MMP8: variants seen among roughly 807,000 people sequenced by gnomAD.
The protein encoded by MMP8 is neutrophil collagenase.
Under a neutral mutation model 51.2 loss-of-function variants are expected in MMP8, and 67 were observed. That is an observed-to-expected ratio of 1.31 (90% CI 1.08 to 1.60). The LOEUF is 1.60. Ranked by LOEUF, MMP8 falls within the 40% of genes most tolerant of loss-of-function variation. The probability of loss-of-function intolerance (pLI) is 0.00; values close to 1 mark genes in which losing one functional copy is unlikely to be tolerated. For missense variants in MMP8, 654 were observed against 558.1 expected (o/e 1.17, Z -1.73); for synonymous variants, 225 against 191.0 (o/e 1.18, Z -1.47).
chr11:102,721,347 T>C (rs982805301), intron 4 of MMP8, 54 bp downstream of exon 4: 1 of 1,575,306 alleles, frequency 6.3e-7, no homozygotes, highest in Admixed American at 1.7e-5. Flanking sequence ...TGTATTCTAA[T>C]CTGTAAAAGG....
rs766841205 is a variant in MMP8 at position 102,721,622 on chromosome 11, T to A, written c.488A>T (p.Tyr163Phe). ...GACTGCTTTGTACCTACCTCTTTGGTAAAAAGCAATGTTGATATCTGCCTC... is the reference window on the plus strand; with the variant it reads ...GACTGCTTTGTACCTACCTCTTTGGAAAAAAGCAATGTTGATATCTGCCTC... ...QGEADINIAF[Y>F]QRDHGDNSPF... The change falls in exon 3 of 10, where the codon TAC (tyrosine) becomes TTC (phenylalanine). Residue 163 changes from tyrosine (Y) to phenylalanine (F), a missense_variant. Transcript: ENST00000236826. 2.5e-6 allele frequency: 4 copies of A among 1,613,614 alleles called. No individual in the cohort carries two copies. In the African/African-American group the frequency reaches 5.3e-5, roughly 22 times the overall value.
Position 102,713,370 on chromosome 11 carries a change from C to CA in MMP8, c.1381dup (p.Trp461LeufsTer3). 1.2e-6 allele frequency: 2 copies of CA among 1,613,026 alleles called. No individual in the cohort carries two copies. The highest frequency in any genetic ancestry group is 8.5e-7 in the Non-Finnish European group (1 of 1,179,234). ...GCTTCAGCCATATCTACAGTTAAGC[C>CA]ATTTATTGCCTCTTGCAACTCTGGT... is the stretch of plus-strand genomic sequence containing the variant. On this transcript the variant is annotated frameshift_variant, in exon 10 of 10. Coordinates refer to ENST00000236826, the MANE Select transcript of MMP8 (RefSeq NM_002424.3). LOFTEE classifies it high-confidence loss of function.
chr11:102,715,823 T>C (rs1861274961), intron 6 of MMP8, among the ~76,000 whole-genome samples: 1 of 152,212 alleles, frequency 6.6e-6, no homozygotes, highest in Non-Finnish European at 1.5e-5. Context: ...AAATAGCCAA[T>C]GGACAAATAA....
At chr11:102,713,499 A>G (rs747929133) in intron 9 of MMP8, 42 bp from the exon 10 acceptor site, 2 of 1,465,382 alleles carry the variant, frequency 1.4e-6, no homozygotes, top group Non-Finnish European at 1.9e-6. Flanking sequence ...AGCTTATAGA[A>G]TATCTCAGAT....
intron 8 of MMP8, among the ~76,000 whole-genome samples, chr11:102,714,119 G>A (rs1231629367): frequency 3.9e-5 from 6 of 152,082 alleles, no homozygotes; most frequent in African/African-American, 1.4e-4. Flanking sequence ...ATATTTTCAA[G>A]GCTTTTACTT....
At chr11:102,721,794 A>G (rs748169681) in intron 2 of MMP8, 32 bp from the exon 3 acceptor site, 4 of 1,610,590 alleles carry the variant, frequency 2.5e-6, no homozygotes, top group Non-Finnish European at 2.5e-6. Flanking sequence ...GAAGAGTTAA[A>G]TGTTATTTAG....
At position 102,722,467 on chromosome 11, in the gene MMP8, T is replaced by G. The variant is rs1317098718; in HGVS notation, c.309A>C (p.Pro103=). 3.1e-6 allele frequency: 5 copies of G among 1,613,866 alleles called. No homozygotes were observed. In the African/African-American group the frequency reaches 6.7e-5, roughly 22 times the overall value. The part of the protein sequence containing the change: ...VPDSGGFMLT[P]GNPKWERTNL... Reference sequence around the variant, plus strand: ...TAGTGCGTTCCCACTTGGGGTTTCCTGGGGTTAACATAAAACCACCACTGT... The same window carrying G: ...TAGTGCGTTCCCACTTGGGGTTTCCGGGGGTTAACATAAAACCACCACTGT... Residue 103 remains proline (P), a synonymous_variant, in exon 2 of 10, where the codon CCA becomes CCC. Coordinates refer to ENST00000236826, the MANE Select transcript of MMP8 (RefSeq NM_002424.3).
chr11:102,721,263 A>T (rs1892886), intron 4 of MMP8, 138 bp downstream of exon 4: 302,415 of 1,249,360 alleles, frequency 0.24, 39,759 homozygotes, highest in Non-Finnish European at 0.27. Flanking sequence ...ATCATGAGGT[A>T]GCAAAAATTT....
At chr11:102,721,317 A>AC in intron 4 of MMP8, 84 bp downstream of exon 4, 1 of 1,056,314 alleles carries the variant, frequency 9.5e-7, no homozygotes, top group African/African-American at 3.2e-5. Context: ...TGTTACCTTT[A>AC]TTGTGTGTGT....
intron 9 of MMP8, 83 bp downstream of exon 9, chr11:102,713,671 A>G: frequency 2.4e-6 from 3 of 1,236,924 alleles, no homozygotes; most frequent in Non-Finnish European, 3.4e-6. Flanking sequence ...TTTGACACTA[A>G]CCTGGTCAGC....
chr11:102,722,197 G>A (rs5794192), intron 2 of MMP8, among the ~76,000 whole-genome samples: 4,721 of 31,382 alleles, frequency 0.15, 249 homozygotes, highest in East Asian at 0.42. Flanking sequence ...AACATTGCTG[G>A]TAGTCCTCTT....
intron 4 of MMP8, among the ~76,000 whole-genome samples, chr11:102,719,163 T>C (rs1168863066): frequency 6.6e-6 from 1 of 152,224 alleles, no homozygotes; most frequent in Non-Finnish European, 1.5e-5. Context: ...TCTTTCTCCA[T>C]GTTTTAACTT....
intron 4 of MMP8, among the ~76,000 whole-genome samples, chr11:102,720,656 A>G (rs1009126150): frequency 1.3e-5 from 2 of 152,178 alleles, no homozygotes; most frequent in African/African-American, 4.8e-5. Flanking sequence ...CTTCCCTTCA[A>G]GCAGCCCAGT....
chr11:102,714,578 AG>A lies in MMP8; in HGVS notation c.1167del (p.Phe390LeufsTer2). On this transcript the variant is annotated frameshift_variant, in exon 8 of 10. Transcript: ENST00000236826. LOFTEE classifies it high-confidence loss of function. ...TACCTCCAGAATTGGTCATTTACAA[AG>A]AAGTATGTTTTACTTCTGTAGAAAA... ...AAVFYRSKTY[F>X]FVNDQFWRYD... 1 of 1,480,986 alleles carries A rather than the reference AG, an allele frequency of 6.8e-7. No individual in the cohort carries two copies. Among genetic ancestry groups the A allele is most frequent in the Non-Finnish European group, 9.0e-7 (1 of 1,114,854 alleles). The allele number at this position is 1,480,986 out of a possible 1,614,324, so 91.7% of individuals were successfully genotyped here.
Position 102,712,356 on chromosome 11 carries a change from C to A in MMP8, c.*992G>T, listed in dbSNP as rs1861148763. On this transcript the variant is annotated 3_prime_UTR_variant, in exon 10 of 10. Coordinates refer to ENST00000236826, the MANE Select transcript of MMP8 (RefSeq NM_002424.3). ...TTAGCAAGGGTTCTACTTCTGCATTCTGTGTTGATTCATTTTCATATGTGT... is the reference window on the plus strand; with the variant it reads ...TTAGCAAGGGTTCTACTTCTGCATTATGTGTTGATTCATTTTCATATGTGT... 6.6e-6 allele frequency: 1 copy of A among 152,208 alleles called. No individual in the cohort carries two copies. The highest frequency in any genetic ancestry group is 1.5e-5 in the Non-Finnish European group (1 of 68,068). The allele number at this position is 152,208 out of a possible 1,614,324, so 9.4% of individuals were successfully genotyped here.
rs1011281506 is a variant in MMP8 at position 102,720,605 on chromosome 11, A to G, written c.622+796T>C. Among the ~76,000 whole-genome samples the G allele has an allele frequency of 1.6e-4, 25 of 152,272 alleles. 1 individual carries two copies. Among genetic ancestry groups the G allele is most frequent in the Admixed American group, 1.1e-3 (17 of 15,298 alleles). ...CATATTGTTACCCCATATTTTGTGA[A>G]GTACCACATGGTCTGGGTATACCTG... On this transcript the variant is annotated intron_variant, in intron 4 of 9. Coordinates refer to ENST00000236826, the MANE Select transcript of MMP8 (RefSeq NM_002424.3).
intron 9 of MMP8, 136 bp from the exon 10 acceptor site, chr11:102,713,593 C>A (rs994214217): frequency 4.0e-6 from 4 of 992,238 alleles, no homozygotes; most frequent in Admixed American, 2.4e-5. Flanking sequence ...ACACCAGGTG[C>A]GGTGGCTAAT....
At chr11:102,722,390 T>C in intron 2 of MMP8, 39 bp downstream of exon 2, 1 of 1,605,754 alleles carries the variant, frequency 6.2e-7, no homozygotes, top group Non-Finnish European at 8.5e-7. Context: ...CAGTCCATAC[T>C]GGATAAATGA....
At chr11:102,721,313 C>T (rs1861461070) in intron 4 of MMP8, 88 bp downstream of exon 4, 2 of 1,261,374 alleles carry the variant, frequency 1.6e-6, no homozygotes, top group Non-Finnish European at 2.1e-6. Context: ...ATTATGTTAC[C>T]TTTATTGTGT....
Sources: allele counts gnomAD v4.1 joint callset (sites outside exome capture counted in the v4.1 genomes callset), GRCh38; gene constraint gnomAD v4.1.1; transcripts MANE v1.5; gene names NCBI Gene and HGNC (gene_info 2026-07-23, HGNC 2026-07-21).